SPTBN1: variants seen among roughly 807,000 people sequenced by gnomAD.
The protein encoded by SPTBN1 is spectrin beta, non-erythrocytic 1, also known as spectrin beta chain, non-erythrocytic 1.
In SPTBN1, 32 loss-of-function variants were observed where a neutral mutation model predicts 266.4. The observed-to-expected ratio is 0.12, with a 90% CI of 0.09 to 0.16. The LOEUF (loss-of-function observed/expected upper bound fraction) is 0.16, where lower values mean the gene tolerates loss of function less well. Ranked by LOEUF, SPTBN1 falls within the 10% of genes least tolerant of loss-of-function variation. The pLI is 1.00. For missense variants in SPTBN1, 2,296 were observed against 3,067.1 expected (o/e 0.75, Z 5.94); for synonymous variants, 1,336 against 1,162.2 (o/e 1.15, Z -3.04).
At position 54,668,697 on chromosome 2, in the gene SPTBN1, AT is replaced by A; in HGVS notation, c.*131del. 1 of 729,310 alleles carries A rather than the reference AT, an allele frequency of 1.4e-6. No homozygotes were observed. The highest frequency in any genetic ancestry group is 2.0e-6 in the Non-Finnish European group (1 of 490,488). The allele number at this position is 729,310 out of a possible 1,614,324, so 45.2% of individuals were successfully genotyped here. A position where few individuals can be genotyped will look rare whatever the true frequency, so the allele number is the denominator to read the frequency against. ...TGTGGTTGATTTTTTTTTTTTTTTA[AT>A]TTATAGAGCATTTCGGGGGGGGTGG... On this transcript the variant is annotated 3_prime_UTR_variant, in exon 36 of 36. Transcript: ENST00000356805.
intron 2 of SPTBN1, among the ~76,000 whole-genome samples, chr2:54,529,063 G>A (rs572307261): frequency 6.6e-6 from 1 of 152,364 alleles, no homozygotes; most frequent in Non-Finnish European, 1.5e-5. Context: ...ATTCAGTAGT[G>A]TCTGGAATAG....
intron 1 of SPTBN1, among the ~76,000 whole-genome samples, chr2:54,504,814 C>T (rs767200296): frequency 9.9e-5 from 15 of 151,694 alleles, no homozygotes; most frequent in Non-Finnish European, 1.9e-4. Flanking sequence ...TTTTAAAAAG[C>T]GTAAAATTCC....
At chr2:54,511,161 A>C (rs1669839917) in intron 1 of SPTBN1, among the ~76,000 whole-genome samples, 1 of 152,194 alleles carries the variant, frequency 6.6e-6, no homozygotes, top group Non-Finnish European at 1.5e-5. Flanking sequence ...TTCTAAACTT[A>C]TGGCAATATT....
chr2:54,630,974 A>C lies in SPTBN1; in HGVS notation c.2927A>C (p.Lys976Thr), dbSNP rs772360793. 1 of 1,614,192 alleles carries C rather than the reference A, an allele frequency of 6.2e-7. No homozygotes were observed. The highest frequency in any genetic ancestry group is 1.1e-5 in the South Asian group (1 of 91,082). Residue 976 changes from lysine (K) to threonine (T), a missense_variant, in exon 16 of 36, where the codon AAG (lysine) becomes ACG (threonine). This residue lies in a region of SPTBN1 where 128 missense variants were observed against 176.5 expected (regional missense o/e 0.73). Coordinates refer to ENST00000356805, the MANE Select transcript of SPTBN1 (RefSeq NM_003128.3). Reference protein sequence around the residue: ...ETKSWIREKTKVIESTQDLGN... With the variant: ...ETKSWIREKTTVIESTQDLGN... Reference sequence around the variant, plus strand: ...AAATCCTGGATTCGGGAAAAGACCAAGGTCATCGAGTCCACCCAGGACCTG... The same window carrying C: ...AAATCCTGGATTCGGGAAAAGACCACGGTCATCGAGTCCACCCAGGACCTG...
chr2:54,513,799 T>C (rs56852083), intron 1 of SPTBN1, among the ~76,000 whole-genome samples: 2,869 of 152,330 alleles, frequency 0.019, 98 homozygotes, highest in African/African-American at 0.062. Flanking sequence ...AACTGCCATG[T>C]ATATGAGAAT....
chr2:54,464,684 AT>A (rs563673791), intron 1 of SPTBN1, among the ~76,000 whole-genome samples: 454 of 151,842 alleles, frequency 3.0e-3, no homozygotes, highest in Middle Eastern at 0.014. Flanking sequence ...TTTTTGTTTT[AT>A]TTTGTTTTCT....
chr2:54,628,991 T>C lies in SPTBN1; in HGVS notation c.1857T>C (p.Cys619=), dbSNP rs1473089630. 5 of 1,613,764 alleles carry C rather than the reference T, an allele frequency of 3.1e-6. No homozygotes were observed. In the Admixed American group the frequency reaches 8.3e-5, roughly 27 times the overall value. Residue 619 remains cysteine (C), a synonymous_variant, in exon 14 of 36, where the codon TGT becomes TGC. Transcript: ENST00000356805. This position sits in a 1 kb window ranked among gnomAD's most constrained non-coding sequence, Gnocchi z 4.3. ...IRDRVAHMEF[C]YQELCQLAAE... The stretch of plus-strand genomic sequence containing the variant: ...ACCGCGTGGCCCACATGGAGTTCTG[T>C]TATCAAGAGCTTTGCCAGCTGGCGG...
chr2:54,662,853 A>G (rs1199294409), intron 32 of SPTBN1: 1 of 152,198 alleles, frequency 6.6e-6, no homozygotes, highest in Non-Finnish European at 1.5e-5. Flanking sequence ...GTCACTTGCA[A>G]GGCCTTGGTG....
At chr2:54,475,065 G>T (rs935820087) in intron 1 of SPTBN1, among the ~76,000 whole-genome samples, 1 of 152,052 alleles carries the variant, frequency 6.6e-6, no homozygotes, top group Admixed American at 6.6e-5. Flanking sequence ...AATTAGCCGG[G>T]CGTGGTGGCA....
intron 1 of SPTBN1, among the ~76,000 whole-genome samples, chr2:54,492,349 GTTTTT>G (rs542155672): frequency 1.1e-4 from 14 of 132,668 alleles, no homozygotes; most frequent in Middle Eastern, 4.1e-3. Context: ...TTGTTTTTTT[GTTTTT>G]TTTTTTTTTT....
intron 1 of SPTBN1, among the ~76,000 whole-genome samples, chr2:54,497,665 C>T (rs1669040458): frequency 6.6e-6 from 1 of 152,110 alleles, no homozygotes; most frequent in Non-Finnish European, 1.5e-5. Flanking sequence ...GACAGCTCAC[C>T]CTCAGTCCTC....
At chr2:54,613,939 A>C (rs1030878144) in intron 4 of SPTBN1, among the ~76,000 whole-genome samples, 1 of 152,202 alleles carries the variant, frequency 6.6e-6, no homozygotes, top group Non-Finnish European at 1.5e-5. Flanking sequence ...ACTGTGGGCT[A>C]TCTTGACAGC....
chr2:54,662,951 G>A (rs994109831), intron 32 of SPTBN1: 5 of 152,100 alleles, frequency 3.3e-5, no homozygotes, highest in African/African-American at 1.2e-4. Context: ...AGGGTAAAGG[G>A]TTCCAATCAA....
At chr2:54,608,916 G>C (rs1199025793) in intron 3 of SPTBN1, among the ~76,000 whole-genome samples, 1 of 152,168 alleles carries the variant, frequency 6.6e-6, no homozygotes, top group Non-Finnish European at 1.5e-5. Context: ...CTAGGGAAAA[G>C]AAAATGTTAG....
At chr2:54,482,357 GAA>G (rs66491029) in intron 1 of SPTBN1, among the ~76,000 whole-genome samples, 11 of 143,366 alleles carry the variant, frequency 7.7e-5, no homozygotes, top group East Asian at 4.0e-4. Context: ...TCTACAGCAG[GAA>G]AAAAAAAAAA....
In SPTBN1 at chr2:54,631,044, C is replaced by A; in HGVS notation, c.2997C>A (p.Thr999=). ...AGVMALQRKL[T]GMERDLVAIE... is the part of the protein sequence containing the mutation. ...TCATGGCCCTGCAGCGCAAGCTGAC[C>A]GGCATGGAGCGGGACTTGGTGGCCA... Residue 999 remains threonine, a synonymous_variant, in exon 16 of 36, where the codon ACC becomes ACA. Transcript: ENST00000356805. The A allele has an allele frequency of 1.2e-6, 2 of 1,613,856 alleles. No homozygotes were observed. Among genetic ancestry groups the A allele is most frequent in the South Asian group, 1.1e-5 (1 of 91,082 alleles).
In SPTBN1 at chr2:54,646,527, C is replaced by G; in HGVS notation, c.4866+52C>G. The G allele has an allele frequency of 1.4e-6, 2 of 1,438,386 alleles. No individual in the cohort carries two copies. Among genetic ancestry groups the G allele is most frequent in the Non-Finnish European group, 9.1e-7 (1 of 1,095,390 alleles). 89.1% of individuals were successfully genotyped at this position (1,438,386 alleles called of 1,614,324 possible). A position where few individuals can be genotyped will look rare whatever the true frequency, so the allele number is the denominator to read the frequency against. ...TCCCAGGAGAGCCTCAGATTCAAAC[C>G]CTGGGCACACTTTCTGCTGGCGGCT... On this transcript the variant is annotated intron_variant, in intron 23 of 35. Transcript: ENST00000356805. The surrounding 1 kb of genome is among the most constrained non-coding windows in gnomAD (Gnocchi z 4.4).
At chr2:54,606,111 T>G (rs1676824172) in intron 3 of SPTBN1, among the ~76,000 whole-genome samples, 2 of 152,180 alleles carry the variant, frequency 1.3e-5, no homozygotes, top group African/African-American at 4.8e-5. Context: ...GGGAGGAGAT[T>G]CTGAGAGGAC....
intron 6 of SPTBN1, 60 bp from the exon 7 acceptor site, chr2:54,618,018 A>T (rs146174432): frequency 7.5e-7 from 1 of 1,329,362 alleles, no homozygotes; most frequent in Admixed American, 1.9e-5. Flanking sequence ...GTCATGTTTC[A>T]TTAGTCATAT....
Sources: gnomAD v4.1 joint callset for allele counts (sites outside exome capture counted in the v4.1 genomes callset) on GRCh38, gnomAD v4.1.1 for gene constraint, gnomAD v4.1.1 regional missense constraint, Gnocchi (gnomAD v3.1) non-coding constraint, MANE v1.5 for transcripts, NCBI Gene and HGNC (gene_info 2026-07-23, HGNC 2026-07-21) for gene names.